PLCL1: variants seen among roughly 807,000 people sequenced by gnomAD.
PLCL1 encodes inactive phospholipase C-like protein 1.
PLCL1 carries 41 observed loss-of-function variants against 84.4 expected under a neutral mutation model. The observed-to-expected ratio is 0.49, with a 90% CI of 0.38 to 0.63. PLCL1 has a LOEUF of 0.63. Ranked by LOEUF, PLCL1 falls within the 30% of genes least tolerant of loss-of-function variation. The pLI, the probability that PLCL1 is intolerant of heterozygous loss-of-function variation, is 0.00. For synonymous variants in PLCL1, 490 were observed against 488.3 expected, an observed-to-expected ratio of 1.00 and a Z score of -0.05; for missense variants, 1,206 against 1,367.8, an observed-to-expected ratio of 0.88 and a Z score of 1.87.
intron 1 of PLCL1, among the ~76,000 whole-genome samples, chr2:198,033,518 T>C (rs1271062422): frequency 6.6e-6 from 1 of 152,170 alleles, no homozygotes; most frequent in Non-Finnish European, 1.5e-5. Flanking sequence ...TTGGGATCAG[T>C]ATAATGTAAA....
At chr2:197,886,558 A>C (rs1176913342) in intron 1 of PLCL1, among the ~76,000 whole-genome samples, 1 of 151,974 alleles carries the variant, frequency 6.6e-6, no homozygotes, top group Non-Finnish European at 1.5e-5. Context: ...TTGTGGAAAA[A>C]AAAATTATCA....
intron 1 of PLCL1, among the ~76,000 whole-genome samples, chr2:197,927,544 T>A (rs17733603): frequency 6.6e-6 from 1 of 152,206 alleles, no homozygotes; most frequent in Non-Finnish European, 1.5e-5. Context: ...AAAGTAGCAT[T>A]GTAATGAACA....
intron 1 of PLCL1, among the ~76,000 whole-genome samples, chr2:197,928,030 G>T (rs1340105987): frequency 7.3e-6 from 1 of 137,192 alleles, no homozygotes; most frequent in Non-Finnish European, 1.6e-5. Context: ...GAAGTTTGAT[G>T]GTATGATTTT....
At chr2:197,947,858 A>C (rs1229120276) in intron 1 of PLCL1, among the ~76,000 whole-genome samples, 2 of 152,166 alleles carry the variant, frequency 1.3e-5, no homozygotes, top group Non-Finnish European at 2.9e-5. Flanking sequence ...CTAAGCAGCA[A>C]AGGCTGAGAA....
chr2:197,808,779 G>A (rs557689594), intron 1 of PLCL1, among the ~76,000 whole-genome samples: 1 of 152,316 alleles, frequency 6.6e-6, no homozygotes, highest in African/African-American at 2.4e-5. Context: ...AGCTACATGT[G>A]TATTTTAAAA....
At position 198,084,306 on chromosome 2, in the gene PLCL1, C is replaced by A. The variant is rs747772999; in HGVS notation, c.789C>A (p.Thr263=). The change falls in exon 2 of 6, where the codon ACC becomes ACA. Residue 263 remains threonine, a synonymous_variant. Transcript: ENST00000428675. ...VDGNGIMLED[T]SVELIKQLNP... Reference sequence around the variant, plus strand: ...GGAATGGGATTATGTTGGAAGACACCTCTGTAGAGTTAATAAAACAACTCA... The same window carrying A: ...GGAATGGGATTATGTTGGAAGACACATCTGTAGAGTTAATAAAACAACTCA... 1.9e-6 allele frequency: 3 copies of A among 1,613,932 alleles called. No individual in the cohort carries two copies. The highest frequency in any genetic ancestry group is 2.5e-6 in the Non-Finnish European group (3 of 1,179,868).
intron 1 of PLCL1, among the ~76,000 whole-genome samples, chr2:197,875,764 T>A (rs1574925875): frequency 6.6e-6 from 1 of 152,152 alleles, no homozygotes; most frequent in East Asian, 1.9e-4. Context: ...CCATTTGTTT[T>A]GTCTCTATTG....
rs149043126 is a variant in PLCL1 at position 197,816,010 on chromosome 2, C to T, written c.240+10671C>T. Among the ~76,000 whole-genome samples, 203 of 152,242 alleles carry T rather than the reference C, an allele frequency of 1.3e-3. 2 individuals are homozygous for T. Among genetic ancestry groups the T allele is most frequent in the Non-Finnish European group, 1.1e-3 (76 of 68,002 alleles). ...ATAAACCTATTTGATAAAGCAGCAG[C>T]AGGGTTCAAGAGAGTGGGCTCCTAT... On this transcript the variant is annotated intron_variant, in intron 1 of 5. Coordinates refer to ENST00000428675, the MANE Select transcript of PLCL1 (RefSeq NM_006226.4).
chr2:197,907,364 G>GAGT (rs1688406848), intron 1 of PLCL1, among the ~76,000 whole-genome samples: 1 of 151,918 alleles, frequency 6.6e-6, no homozygotes, highest in Non-Finnish European at 1.5e-5. Flanking sequence ...TCAGCCACCT[G>GAGT]AGTAGCTGGG....
rs1041918421 is a variant in PLCL1, at chr2:198,105,766, A to C, written c.3105+1830A>C. Among the ~76,000 whole-genome samples, 3 of 151,940 alleles carry C rather than the reference A, an allele frequency of 2.0e-5. No homozygotes were observed. The South Asian group carries it at 6.2e-4, about 32-fold the overall frequency. On this transcript the variant is annotated intron_variant, in intron 5 of 5. Transcript: ENST00000428675. Reference sequence around the variant, plus strand: ...TGAAGAGACAAAGTACAAAATATCTAGGGCCATTGAGGATTTTTATTTTAA... The same window carrying C: ...TGAAGAGACAAAGTACAAAATATCTCGGGCCATTGAGGATTTTTATTTTAA...
intron 1 of PLCL1, among the ~76,000 whole-genome samples, chr2:197,886,454 T>TAAAAAAAAAAAAAAAAAAAA (rs1687925468): frequency 2.2e-5 from 2 of 90,516 alleles, no homozygotes; most frequent in African/African-American, 3.5e-5. Flanking sequence ...AAAAAAAAAG[T>TAAAAAAAAAAAAAAAAAAAA]AAAATTCTTC....
chr2:197,882,026 T>C (rs933448350), intron 1 of PLCL1, among the ~76,000 whole-genome samples: 2 of 152,160 alleles, frequency 1.3e-5, no homozygotes, highest in Non-Finnish European at 2.9e-5. Context: ...TGGTTTTGAA[T>C]AAATGAATGA....
intron 5 of PLCL1, among the ~76,000 whole-genome samples, chr2:198,124,786 G>T (rs1358136066): frequency 6.6e-6 from 1 of 152,054 alleles, no homozygotes; most frequent in Non-Finnish European, 1.5e-5. Flanking sequence ...GCCATAATTA[G>T]TTATTTTGGC....
chr2:198,086,225 A>G lies in PLCL1; in HGVS notation c.2708A>G (p.Asn903Ser), dbSNP rs143802664. 2.4e-5 allele frequency: 38 copies of G among 1,593,492 alleles called. No homozygotes were observed. The African/African-American group carries it at 3.1e-4, about 13-fold the overall frequency. The change falls in exon 2 of 6, where the codon AAT becomes AGT. Residue 903 changes from asparagine to serine, a missense_variant. Physicochemically the swap from Asn to Ser is conservative, Grantham distance 46. Coordinates refer to ENST00000428675, the MANE Select transcript of PLCL1 (RefSeq NM_006226.4). ...PLREAIDMRE[N>S]MQNAIVSIKE... ...CGAGAAGCCATAGATATGAGAGAAA[A>G]TATGCAGGTAGGAGAAACACTCACA...
intron 1 of PLCL1, among the ~76,000 whole-genome samples, chr2:197,886,519 C>G (rs1191923586): frequency 1.4e-5 from 2 of 146,450 alleles, no homozygotes; most frequent in Non-Finnish European, 3.0e-5. Context: ...CCTAGTGCAT[C>G]TCCCTGGATT....
At chr2:198,039,216 T>G (rs1691607450) in intron 1 of PLCL1, among the ~76,000 whole-genome samples, 1 of 152,112 alleles carries the variant, frequency 6.6e-6, no homozygotes, top group Non-Finnish European at 1.5e-5. Flanking sequence ...GTTGGCATGG[T>G]TGTTTTGGGA....
chr2:197,851,654 GGGGA>G (rs1435108071), intron 1 of PLCL1, among the ~76,000 whole-genome samples: 1 of 152,178 alleles, frequency 6.6e-6, no homozygotes, highest in Non-Finnish European at 1.5e-5. Flanking sequence ...AGAGACAGTG[GGGGA>G]GAAAAGACAT....
chr2:197,959,413 C>T (rs1027415715), intron 1 of PLCL1, among the ~76,000 whole-genome samples: 5 of 151,856 alleles, frequency 3.3e-5, no homozygotes, highest in African/African-American at 1.2e-4. Context: ...TCTGCTTTAC[C>T]CCAAATTTGC....
At chr2:197,932,159 C>T (rs1333001673) in intron 1 of PLCL1, among the ~76,000 whole-genome samples, 2 of 152,160 alleles carry the variant, frequency 1.3e-5, no homozygotes, top group East Asian at 3.8e-4. Flanking sequence ...CTGATACTCA[C>T]TCATTCCACA....
Sources: gnomAD v4.1 joint callset for allele counts (sites outside exome capture counted in the v4.1 genomes callset) on GRCh38, gnomAD v4.1.1 for gene constraint, MANE v1.5 for transcripts, NCBI Gene and HGNC (gene_info 2026-07-23, HGNC 2026-07-21) for gene names.